Variants in SERINC4 observed in about 807,000 individuals in gnomAD.
The protein encoded by SERINC4 is serine incorporator 4.
In SERINC4, 52 loss-of-function variants were observed where a neutral mutation model predicts 52.0. That is an observed-to-expected ratio of 1.00 (90% CI 0.80 to 1.26). The LOEUF is 1.26. SERINC4 is among the 50% of genes most tolerant of loss of function. SERINC4 has a pLI of 0.00. For synonymous variants in SERINC4, 264 were observed against 247.7 expected, an observed-to-expected ratio of 1.07 and a Z score of -0.62; for missense variants, 723 against 632.8, an observed-to-expected ratio of 1.14 and a Z score of -1.53.
chr15:43,796,069 C>T (rs970147516), intron 9 of SERINC4, 86 bp downstream of exon 9: 1 of 969,060 alleles, frequency 1.0e-6, no homozygotes, highest in Admixed American at 1.8e-5. Flanking sequence ...ATAATCTGAG[C>T]ATTCTGGGTA....
rs1247633750 is a variant in SERINC4, at chr15:43,797,146, G to A, written c.843C>T (p.Leu281=). ...SFLSIAPCIR[L]KQPRSGLLQA... is the part of the protein sequence containing the mutation. ...GAATGCTGTAGGACATGTACCCACT[G>A]AGGCGGATGCAAGGAGCGATGGAGA... is the stretch of plus-strand genomic sequence containing the variant. The change falls in exon 6 of 12, where the codon CTC becomes CTT. Residue 281 remains leucine, a splice_region_variant and synonymous_variant. Coordinates refer to ENST00000319327, the MANE Select transcript of SERINC4 (RefSeq NM_001258031.2). 7 of 1,550,942 alleles carry A rather than the reference G, an allele frequency of 4.5e-6. No individual in the cohort carries two copies. Among genetic ancestry groups the A allele is most frequent in the Admixed American group, 2.0e-5 (1 of 50,972 alleles).
In SERINC4 at chr15:43,797,917, T is replaced by G; in HGVS notation, c.632+3A>C. 6.2e-7 allele frequency: 1 copy of G among 1,607,836 alleles called. No homozygotes were observed. Among genetic ancestry groups the G allele is most frequent in the Non-Finnish European group, 8.5e-7 (1 of 1,174,334 alleles). On this transcript the variant is annotated splice_donor_region_variant and intron_variant, in intron 5 of 11. Transcript: ENST00000319327. ...AAAGCCTTTAGGGTTATGTGCCCCTTACCAGTTCTTGTTCCAGGAATGGGC... is the reference window on the plus strand; with the variant it reads ...AAAGCCTTTAGGGTTATGTGCCCCTGACCAGTTCTTGTTCCAGGAATGGGC...
chr15:43,798,849 T>A (rs1342027706), intron 3 of SERINC4, 110 bp downstream of exon 3: 2 of 1,127,762 alleles, frequency 1.8e-6, no homozygotes, highest in South Asian at 2.9e-5. Context: ...GACTTAAACC[T>A]GTTTTCTGTC....
chr15:43,797,038 A>G lies in SERINC4; in HGVS notation c.845-98T>C, dbSNP rs1420158981. The G allele has an allele frequency of 7.7e-6, 11 of 1,437,186 alleles. No individual in the cohort carries two copies. The Admixed American group carries it at 1.9e-4, about 25-fold the overall frequency. The allele number at this position is 1,437,186 out of a possible 1,614,324, so 89.0% of individuals were successfully genotyped here. A position where few individuals can be genotyped will look rare whatever the true frequency, so the allele number is the denominator to read the frequency against. The stretch of plus-strand genomic sequence containing the variant: ...TGTCTCCCCATCCTTTGGTGGGGAT[A>G]GGGAAGCAGAGATTCTTTTATCAAA... On this transcript the variant is annotated intron_variant, in intron 6 of 11. Transcript: ENST00000319327.
At position 43,796,604 on chromosome 15, in the gene SERINC4, A is replaced by G. The variant is rs750451355; in HGVS notation, c.1067+12T>C. 1.2e-6 allele frequency: 2 copies of G among 1,613,730 alleles called. No homozygotes were observed. The highest frequency in any genetic ancestry group is 3.3e-5 in the Admixed American group (2 of 59,992). On this transcript the variant is annotated intron_variant, in intron 8 of 11. Transcript: ENST00000319327. ...CTCCTTTCATACCTCCACCCTTGAC[A>G]CCTTTACGCACCAAGCAAAAAGCAC...
rs924844763 is a variant in SERINC4 at position 43,795,431 on chromosome 15, G to A, written c.1300C>T (p.Leu434Phe). 1 of 1,614,184 alleles carries A rather than the reference G, an allele frequency of 6.2e-7. No individual in the cohort carries two copies. The highest frequency in any genetic ancestry group is 1.7e-5 in the Admixed American group (1 of 60,028). ...GTAACCATGACATAGAGTGAGGCAA[G>A]GAAGAAGACGAAGTGGAAGGCAGAA... ...NYSAFHFVFF[L>F]ASLYVMVTLT... The change falls in exon 11 of 12, where the codon CTT becomes TTT. Residue 434 changes from leucine (L) to phenylalanine (F), a missense_variant. Leu to Phe is a conservative substitution (Grantham distance 22). Coordinates refer to ENST00000319327, the MANE Select transcript of SERINC4 (RefSeq NM_001258031.2).
chr15:43,795,586 CT>C, intron 10 of SERINC4, 45 bp from the exon 11 acceptor site: 1 of 1,612,678 alleles, frequency 6.2e-7, no homozygotes, highest in Non-Finnish European at 8.5e-7. Flanking sequence ...GCTGAAACAC[CT>C]CTTCCCCTCT....
chr15:43,799,791 C>A, intron 1 of SERINC4, 94 bp downstream of exon 1: 3 of 1,022,596 alleles, frequency 2.9e-6, no homozygotes, highest in Non-Finnish European at 4.5e-6. Context: ...CGAACCAGAA[C>A]GACATTAGAG....
intron 11 of SERINC4, 65 bp from the exon 12 acceptor site, chr15:43,795,278 C>G: frequency 3.1e-6 from 5 of 1,592,588 alleles, no homozygotes; most frequent in East Asian, 2.2e-5. Context: ...TGTTCTACCT[C>G]CTCACCAAAT....
chr15:43,795,837 GGA>G, intron 9 of SERINC4, 101 bp from the exon 10 acceptor site: 1 of 1,232,736 alleles, frequency 8.1e-7, no homozygotes, highest in Non-Finnish European at 1.1e-6. Context: ...ATTAAAAAGT[GGA>G]GGCACACCTG....
rs1400799613 is a variant in SERINC4 at position 43,800,018 on chromosome 15, A to G, written c.-32T>C. The G allele has an allele frequency of 4.8e-6, 7 of 1,450,764 alleles. No homozygotes were observed. The highest frequency in any genetic ancestry group is 6.4e-6 in the Non-Finnish European group (7 of 1,087,048). The allele number at this position is 1,450,764 out of a possible 1,614,324, so 89.9% of individuals were successfully genotyped here. Reference sequence around the variant, plus strand: ...CCCAGGGATTAGGCTTAGGTCCACCAGATGGAAGGCAGATGAGAGCAGCAG... The same window carrying G: ...CCCAGGGATTAGGCTTAGGTCCACCGGATGGAAGGCAGATGAGAGCAGCAG... On this transcript the variant is annotated 5_prime_UTR_variant, in exon 1 of 12. Coordinates refer to ENST00000319327, the MANE Select transcript of SERINC4 (RefSeq NM_001258031.2).
intron 3 of SERINC4, 165 bp from the exon 4 acceptor site, chr15:43,798,669 A>C: frequency 3.2e-6 from 2 of 634,824 alleles, no homozygotes; most frequent in Non-Finnish European, 5.6e-6. Flanking sequence ...GGACAGGCCT[A>C]CTGCACCTTA....
chr15:43,796,033 G>C, intron 9 of SERINC4, 122 bp downstream of exon 9: 4 of 761,856 alleles, frequency 5.3e-6, no homozygotes, highest in Middle Eastern at 6.7e-4. Flanking sequence ...CACATTGTGG[G>C]TACTCAATAA....
intron 5 of SERINC4, chr15:43,797,607 G>C (rs2087240561): frequency 2.0e-6 from 1 of 511,534 alleles, no homozygotes; most frequent in East Asian, 3.6e-5. Context: ...TGGCCAGGCT[G>C]GTCTCAAACT....
Position 43,796,628 on chromosome 15 carries a change from A to G in SERINC4, c.1055T>C (p.Val352Ala). Residue 352 changes from valine (V) to alanine (A), a missense_variant, in exon 8 of 12, where the codon GTG becomes GCG. By Grantham distance (64) the Val-to-Ala change is moderately conservative. Transcript: ENST00000319327. ...CACCTTTACGCACCAAGCAAAAAGCACACAAGCATACATGATGCTAGCACT... is the reference window on the plus strand; with the variant it reads ...CACCTTTACGCACCAAGCAAAAAGCGCACAAGCATACATGATGCTAGCACT... The part of the protein sequence containing the change: ...MLSASIMYAC[V>A]LFACNEASYL... The G allele has an allele frequency of 1.2e-6, 2 of 1,614,072 alleles. No homozygotes were observed. Among genetic ancestry groups the G allele is most frequent in the Non-Finnish European group, 1.7e-6 (2 of 1,179,992 alleles).
chr15:43,795,729 G>GA lies in SERINC4; in HGVS notation c.1147dup (p.Ser383PhefsTer8). The GA allele has an allele frequency of 6.2e-7, 1 of 1,613,932 alleles. No individual in the cohort carries two copies. The highest frequency in any genetic ancestry group is 8.5e-7 in the Non-Finnish European group (1 of 1,179,922). On this transcript the variant is annotated frameshift_variant, in exon 10 of 12. Coordinates refer to ENST00000319327, the MANE Select transcript of SERINC4 (RefSeq NM_001258031.2). LOFTEE classifies it high-confidence loss of function. ...TGTTTCAGGGCAGCAGAAACACAGT[G>GA]AGGGCTTCTGCAAAACAGAACGCAG...
intron 6 of SERINC4, 85 bp from the exon 7 acceptor site, chr15:43,797,025 C>T: frequency 7.0e-7 from 1 of 1,437,490 alleles, no homozygotes; most frequent in Non-Finnish European, 9.8e-7. Flanking sequence ...TCTCCCCATC[C>T]TTTGGTGGGG....
intron 11 of SERINC4, 48 bp downstream of exon 11, chr15:43,795,340 A>T (rs539322002): frequency 6.2e-7 from 1 of 1,609,306 alleles, no homozygotes; most frequent in South Asian, 1.1e-5. Context: ...CTCTTTCCTT[A>T]AAATAGCTAG....
intron 1 of SERINC4, 194 bp downstream of exon 1, chr15:43,799,691 G>A (rs1401328780): frequency 4.9e-6 from 4 of 814,528 alleles, no homozygotes; most frequent in Non-Finnish European, 8.4e-6. Flanking sequence ...TTCATTATAA[G>A]CAGGCTTGAG....
Sources: allele counts gnomAD v4.1 joint callset, GRCh38; gene constraint gnomAD v4.1.1; transcripts MANE v1.5; gene names NCBI Gene and HGNC (gene_info 2026-07-23, HGNC 2026-07-21).